PCDHGA7: variants seen among roughly 807,000 people sequenced by gnomAD.
The protein encoded by PCDHGA7 is protocadherin gamma-A7.
PCDHGA7 carries 44 observed loss-of-function variants against 58.3 expected under a neutral mutation model. The observed-to-expected ratio is 0.75, with a 90% CI of 0.59 to 0.97. The LOEUF (loss-of-function observed/expected upper bound fraction) is 0.97, where lower values mean the gene tolerates loss of function less well. Ranked by LOEUF, PCDHGA7 falls within the 50% of genes least tolerant of loss-of-function variation. The pLI, the probability that PCDHGA7 is intolerant of heterozygous loss-of-function variation, is 0.00. For synonymous variants in PCDHGA7, 516 were observed against 504.2 expected, an observed-to-expected ratio of 1.02 and a Z score of -0.31; for missense variants, 1,266 against 1,188.7, an observed-to-expected ratio of 1.06 and a Z score of -0.96.
At chr5:141,419,640 T>C (rs2096410171) in intron 1 of PCDHGA7, 2 of 1,612,532 alleles carry the variant, frequency 1.2e-6, no homozygotes. Context: ...GTGGTGGCCG[T>C]GGACGCGGAC....
In PCDHGA7 at chr5:141,432,068, C is replaced by G. The variant is rs1297096209; in HGVS notation, c.2424+46745C>G. ...AACCCCGCCCCTATCCACGGAAACT[C>G]ATATCTCGCTGAACGTGGCAGACAC... On this transcript the variant is annotated intron_variant, in intron 1 of 3. Transcript: ENST00000518325. The surrounding 1 kb of genome is among the most constrained non-coding windows in gnomAD (Gnocchi z 6.0). 6.2e-7 allele frequency: 1 copy of G among 1,614,210 alleles called. No individual in the cohort carries two copies. The highest frequency in any genetic ancestry group is 1.7e-5 in the Admixed American group (1 of 60,028).
chr5:141,420,076 T>TC, intron 1 of PCDHGA7: 1 of 1,613,956 alleles, frequency 6.2e-7, no homozygotes, highest in Non-Finnish European at 8.5e-7. Context: ...GACCTGTGGG[T>TC]CCCCCCAACT....
intron 1 of PCDHGA7, among the ~76,000 whole-genome samples, chr5:141,405,996 G>A (rs2094743914): frequency 6.6e-6 from 1 of 151,746 alleles, no homozygotes; most frequent in Non-Finnish European, 1.5e-5. Flanking sequence ...GTAGCTCTCA[G>A]CCTGCATTGA....
intron 1 of PCDHGA7, among the ~76,000 whole-genome samples, chr5:141,494,341 G>C (rs565090556): frequency 9.2e-5 from 14 of 152,352 alleles, no homozygotes; most frequent in Admixed American, 9.1e-4. Context: ...ACCAAGAACA[G>C]CAGCCATCTT....
rs374575578 is a variant in PCDHGA7 at position 141,409,643 on chromosome 5, T to G, written c.2424+24320T>G. 4.3e-6 allele frequency: 7 copies of G among 1,613,620 alleles called. No homozygotes were observed. The African/African-American group carries it at 8.0e-5, about 18-fold the overall frequency. ...GCAAGTGAGCGCCTCTGACCCGGAT[T>G]TGGGGCTCAATGGCCACATCTCCTA... On this transcript the variant is annotated intron_variant, in intron 1 of 3. Coordinates refer to ENST00000518325, the MANE Select transcript of PCDHGA7 (RefSeq NM_018920.4).
At chr5:141,391,727 TTTGTAGTCATACTTA>T (rs1212107227) in intron 1 of PCDHGA7, 1 of 152,206 alleles carries the variant, frequency 6.6e-6, no homozygotes. Context: ...AACAGACTTT[TTTGTAGTCATACTTA>T]TCCTTTGGCT....
At chr5:141,422,645 TCTCAGTGAC>T in intron 1 of PCDHGA7, 2 of 1,612,232 alleles carry the variant, frequency 1.2e-6, no homozygotes, top group Non-Finnish European at 1.7e-6. Flanking sequence ...GCCTCCATCT[TCTCAGTGAC>T]CGCCCTCGAC....
chr5:141,462,262 A>G (rs2099035971), intron 1 of PCDHGA7, among the ~76,000 whole-genome samples: 1 of 152,192 alleles, frequency 6.6e-6, no homozygotes, highest in African/African-American at 2.4e-5. Flanking sequence ...GACCAGCCTA[A>G]AGTGTATTGT....
chr5:141,413,962 AC>A, intron 1 of PCDHGA7: 1 of 1,613,404 alleles, frequency 6.2e-7, no homozygotes, highest in Non-Finnish European at 8.5e-7. Context: ...GCCTGTGGGC[AC>A]TCAGCTGCTG....
chr5:141,414,635 A>G (rs753834653), intron 1 of PCDHGA7: 72 of 1,613,866 alleles, frequency 4.5e-5, no homozygotes, highest in Admixed American at 2.0e-4. Flanking sequence ...GACAGCAAAG[A>G]GAATGCCCAG....
chr5:141,503,213 A>G (rs1368413073), intron 2 of PCDHGA7, among the ~76,000 whole-genome samples: 1 of 152,100 alleles, frequency 6.6e-6, no homozygotes, highest in Non-Finnish European at 1.5e-5. Flanking sequence ...AGTGCCCACC[A>G]TGAGCACCGT....
At chr5:141,390,433 AT>A (rs1395897313) in intron 1 of PCDHGA7, 1 of 978,654 alleles carries the variant, frequency 1.0e-6, no homozygotes, top group East Asian at 2.6e-5. Context: ...CTGTCATATC[AT>A]TCTACAAAGG....
chr5:141,500,403 G>GT (rs2099800018), intron 2 of PCDHGA7, among the ~76,000 whole-genome samples: 1 of 151,706 alleles, frequency 6.6e-6, no homozygotes, highest in Non-Finnish European at 1.5e-5. Context: ...TAGAGACGGG[G>GT]TTTCACCGTG....
chr5:141,422,370 T>G (rs2096643676), intron 1 of PCDHGA7: 1 of 1,566,604 alleles, frequency 6.4e-7, no homozygotes, highest in African/African-American at 1.4e-5. Flanking sequence ...GAGAAAATGG[T>G]CAAGTCTCCT....
At chr5:141,499,343 G>C (rs1184175548) in intron 2 of PCDHGA7, among the ~76,000 whole-genome samples, 1 of 152,146 alleles carries the variant, frequency 6.6e-6, no homozygotes, top group Non-Finnish European at 1.5e-5. Context: ...AGTTTGGGCA[G>C]TCATTCAACA....
chr5:141,389,147 G>A (rs530113846), intron 1 of PCDHGA7: 2 of 1,613,986 alleles, frequency 1.2e-6, no homozygotes, highest in South Asian at 1.1e-5. Flanking sequence ...TAACCGTTAC[G>A]GCAACAGATC....
chr5:141,427,149 A>G (rs1303323489), intron 1 of PCDHGA7: 1 of 456,850 alleles, frequency 2.2e-6, no homozygotes, highest in Non-Finnish European at 4.4e-6. Context: ...TATTGGAAAT[A>G]TGTTTGTGCT....
chr5:141,472,980 C>CAAAAAAAAAAAAAAAAAGAAAAAAAA (rs2099309731), intron 1 of PCDHGA7, among the ~76,000 whole-genome samples: 1 of 86,100 alleles, frequency 1.2e-5, no homozygotes, highest in African/African-American at 3.9e-5. Flanking sequence ...GAGTGAAACT[C>CAAAAAAAAAAAAAAAAAGAAAAAAAA]AAAAAAAAAA....
At chr5:141,467,901 C>T (rs1484485803) in intron 1 of PCDHGA7, among the ~76,000 whole-genome samples, 7 of 152,034 alleles carry the variant, frequency 4.6e-5, no homozygotes, top group Admixed American at 1.3e-4. Flanking sequence ...TCAAGAAATC[C>T]GCCCACCTCA....
Sources: gnomAD v4.1 joint callset for allele counts (sites outside exome capture counted in the v4.1 genomes callset) on GRCh38, gnomAD v4.1.1 for gene constraint, Gnocchi (gnomAD v3.1) non-coding constraint, MANE v1.5 for transcripts, NCBI Gene and HGNC (gene_info 2026-07-23, HGNC 2026-07-21) for gene names.